PCDHA1: variants seen among roughly 807,000 people sequenced by gnomAD.
PCDHA1 encodes protocadherin alpha-1.
PCDHA1 carries 42 observed loss-of-function variants against 61.3 expected under a neutral mutation model. The ratio of observed to expected loss-of-function variants is 0.69; its 90% CI spans 0.54 to 0.89. The LOEUF (loss-of-function observed/expected upper bound fraction) is 0.89, where lower values mean the gene tolerates loss of function less well. Ranked by LOEUF, PCDHA1 falls within the 40% of genes least tolerant of loss-of-function variation. The probability of loss-of-function intolerance (pLI) is 0.00; values close to 1 mark genes in which losing one functional copy is unlikely to be tolerated. For synonymous variants in PCDHA1, 610 were observed against 553.8 expected (o/e 1.10, Z -1.43); for missense variants, 1,256 against 1,235.3 (o/e 1.02, Z -0.25).
At position 140,786,626 on chromosome 5, in the gene PCDHA1, G is replaced by T. The variant is rs1581594217; in HGVS notation, c.336G>T (p.Arg112Ser). ...CSIHLELIAD[R>S]PLQVFHVEVK... ...TCCACCTGGAGTTGATCGCCGACAG[G>T]CCGCTGCAGGTTTTCCATGTGGAGG... Residue 112 changes from arginine (R) to serine (S), a missense_variant, in exon 1 of 4, where the codon AGG (arginine) becomes AGT (serine). Coordinates refer to ENST00000504120, the MANE Select transcript of PCDHA1 (RefSeq NM_018900.4). The T allele has an allele frequency of 6.2e-7, 1 of 1,614,272 alleles. No individual in the cohort carries two copies. Among genetic ancestry groups the T allele is most frequent in the Middle Eastern group, 1.6e-4 (1 of 6,062 alleles).
Position 140,929,475 on chromosome 5 carries a change from G to A in PCDHA1, c.2395-49474G>A, listed in dbSNP as rs1554207114. ...ACTTCCTGTGCCAAGAAATCTGGAA[G>A]TATAGAAGTATTAGAAGATTGCCCT... is the stretch of plus-strand genomic sequence containing the variant. On this transcript the variant is annotated intron_variant, in intron 1 of 3. Transcript: ENST00000504120. The A allele has an allele frequency of 4.0e-6, 5 of 1,251,128 alleles. No individual in the cohort carries two copies. The Middle Eastern group carries it at 8.1e-4, about 202-fold the overall frequency. The allele number at this position is 1,251,128 out of a possible 1,614,324, so 77.5% of individuals were successfully genotyped here. A position where few individuals can be genotyped will look rare whatever the true frequency, so the allele number is the denominator to read the frequency against.
intron 1 of PCDHA1, among the ~76,000 whole-genome samples, chr5:140,931,650 T>C (rs2087656696): frequency 6.6e-6 from 1 of 152,016 alleles, no homozygotes; most frequent in South Asian, 2.1e-4. Flanking sequence ...CTAATAATTG[T>C]TGTGGGCTGG....
intron 1 of PCDHA1, among the ~76,000 whole-genome samples, chr5:140,931,298 AAG>A (rs2087432571): frequency 6.6e-6 from 1 of 152,144 alleles, no homozygotes; most frequent in African/African-American, 2.4e-5. Context: ...CTGTAACAAA[AAG>A]AGAGGAGAAT....
intron 1 of PCDHA1, chr5:140,966,502 G>GGCAGCA (rs2096011406): frequency 6.9e-6 from 3 of 433,776 alleles, no homozygotes; most frequent in Non-Finnish European, 1.2e-5. Context: ...GAGCTGTAGC[G>GGCAGCA]GCAGCAGCAG....
At chr5:140,844,817 G>C (rs1468939378) in intron 1 of PCDHA1, among the ~76,000 whole-genome samples, 1 of 148,814 alleles carries the variant, frequency 6.7e-6, no homozygotes. Flanking sequence ...ATTTCTTCTT[G>C]TCTTTTTACA....
At chr5:140,850,244 G>A (rs2150475347) in intron 1 of PCDHA1, 2 of 1,593,676 alleles carry the variant, frequency 1.3e-6, no homozygotes, top group East Asian at 2.2e-5. Flanking sequence ...TGGTGCTGCG[G>A]TCGGTGGGCG....
intron 1 of PCDHA1, among the ~76,000 whole-genome samples, chr5:140,947,744 TG>T (rs1227312993): frequency 6.6e-6 from 1 of 151,630 alleles, no homozygotes; most frequent in Non-Finnish European, 1.5e-5. Flanking sequence ...CCTATTCTTA[TG>T]TATTTTATGG....
At chr5:140,923,397 G>A (rs1392831353) in intron 1 of PCDHA1, among the ~76,000 whole-genome samples, 2 of 152,128 alleles carry the variant, frequency 1.3e-5, no homozygotes, top group East Asian at 3.9e-4. Flanking sequence ...GCATGGTGGT[G>A]TGTGCCTATA....
intron 1 of PCDHA1, chr5:140,883,717 C>A (rs926863988): frequency 6.2e-7 from 1 of 1,613,614 alleles, no homozygotes. Context: ...AGGACGCGGA[C>A]GCACAGGAGA....
chr5:140,868,834 A>G (rs1554162245), intron 1 of PCDHA1: 10 of 427,500 alleles, frequency 2.3e-5, no homozygotes, highest in Non-Finnish European at 8.0e-6. Context: ...AAGAAACCCA[A>G]AACACGTGAA....
intron 1 of PCDHA1, chr5:140,930,195 G>A (rs1427541259): frequency 6.6e-6 from 1 of 152,140 alleles, no homozygotes; most frequent in East Asian, 1.9e-4. Context: ...TAATTTTTAT[G>A]TCAGAAATAT....
At chr5:140,861,386 G>A in intron 1 of PCDHA1, 1 of 440,552 alleles carries the variant, frequency 2.3e-6, no homozygotes, top group Non-Finnish European at 4.6e-6. Context: ...CGCAGGACCT[G>A]GGTCTGGAGC....
chr5:140,987,035 G>A (rs992580023), intron 3 of PCDHA1, among the ~76,000 whole-genome samples: 2 of 151,946 alleles, frequency 1.3e-5, no homozygotes, highest in African/African-American at 4.8e-5. Flanking sequence ...TCAACATGGC[G>A]AAACCCCATC....
intron 1 of PCDHA1, chr5:140,875,396 T>TA (rs1256359492): frequency 1.4e-6 from 2 of 1,478,102 alleles, no homozygotes; most frequent in African/African-American, 2.8e-5. Flanking sequence ...CAGAAAAGGG[T>TA]GACTGCTCAT....
At chr5:140,802,120 T>C (rs924147913) in intron 1 of PCDHA1, 5 of 1,614,054 alleles carry the variant, frequency 3.1e-6, no homozygotes, top group Admixed American at 1.7e-5. Context: ...AAGGGTAACA[T>C]AGATTTCGAG....
intron 1 of PCDHA1, among the ~76,000 whole-genome samples, chr5:140,936,591 G>T (rs1188475668): frequency 6.6e-6 from 1 of 152,180 alleles, no homozygotes; most frequent in Non-Finnish European, 1.5e-5. Context: ...CAGTTAGATT[G>T]CCTACTTTCC....
chr5:140,801,456 A>C, intron 1 of PCDHA1: 1 of 1,613,978 alleles, frequency 6.2e-7, no homozygotes, highest in Non-Finnish European at 8.5e-7. Flanking sequence ...TTTGTTTGTG[A>C]ATTCTCGGAT....
chr5:140,799,131 G>C (rs1762396196), intron 1 of PCDHA1, among the ~76,000 whole-genome samples: 1 of 151,712 alleles, frequency 6.6e-6, no homozygotes, highest in East Asian at 1.9e-4. Flanking sequence ...ATTTTTTCTT[G>C]GTTGTCTAAG....
intron 1 of PCDHA1, chr5:140,858,792 T>C (rs1554152021): frequency 2.6e-6 from 1 of 385,722 alleles, no homozygotes; most frequent in Admixed American, 4.5e-5. Context: ...GTTATTTCAT[T>C]TCCAATCTAA....
Sources: gnomAD v4.1 joint callset for allele counts (sites outside exome capture counted in the v4.1 genomes callset) on GRCh38, gnomAD v4.1.1 for gene constraint, MANE v1.5 for transcripts, NCBI Gene and HGNC (gene_info 2026-07-23, HGNC 2026-07-21) for gene names.